The following CCDC13 variants were observed in gnomAD, a reference collection of about 807,000 sequenced individuals.
CCDC13 encodes the protein coiled-coil domain-containing protein 13.
A neutral mutation model predicts 87.3 loss-of-function variants in CCDC13; 70 were observed. The observed-to-expected ratio is 0.80, with a 90% CI of 0.66 to 0.98. The LOEUF (loss-of-function observed/expected upper bound fraction) is 0.98, where lower values mean the gene tolerates loss of function less well. Ranked by LOEUF, CCDC13 falls within the 50% of genes least tolerant of loss-of-function variation. The probability of loss-of-function intolerance (pLI) is 0.00; values close to 1 mark genes in which losing one functional copy is unlikely to be tolerated. For synonymous variants in CCDC13, 317 were observed against 360.3 expected (o/e 0.88, Z 1.36); for missense variants, 842 against 892.0 (o/e 0.94, Z 0.71).
chr3:42,744,289 T>TAGAAGC (rs1699325569), intron 7 of CCDC13, among the ~76,000 whole-genome samples: 1 of 151,974 alleles, frequency 6.6e-6, no homozygotes, highest in African/African-American at 2.4e-5. Flanking sequence ...AACGCTAGGG[T>TAGAAGC]AGAAGCAGAC....
chr3:42,748,395 C>T (rs1057233442), intron 5 of CCDC13, among the ~76,000 whole-genome samples: 2 of 152,232 alleles, frequency 1.3e-5, no homozygotes, highest in African/African-American at 2.4e-5. Context: ...GCCACAGGAA[C>T]GTTGGTTGTC....
chr3:42,755,101 G>A (rs980080289), intron 3 of CCDC13, among the ~76,000 whole-genome samples: 1 of 152,270 alleles, frequency 6.6e-6, no homozygotes, highest in Admixed American at 6.5e-5. Flanking sequence ...GGACCTGAAT[G>A]GTGGTAAAGT....
chr3:42,755,032 T>C (rs1460800339), intron 3 of CCDC13, among the ~76,000 whole-genome samples: 2 of 152,052 alleles, frequency 1.3e-5, no homozygotes, highest in East Asian at 3.9e-4. Flanking sequence ...ACTGATGGGA[T>C]TTTCAATATA....
chr3:42,772,835 T>TG (rs1045616394), intron 1 of CCDC13, among the ~76,000 whole-genome samples: 16 of 152,202 alleles, frequency 1.1e-4, no homozygotes, highest in Non-Finnish European at 2.2e-4. Flanking sequence ...GAGGGCCCAG[T>TG]GGCAGAGGCC....
At chr3:42,716,118 T>G (rs2125871175) in intron 13 of CCDC13, among the ~76,000 whole-genome samples, 1 of 152,284 alleles carries the variant, frequency 6.6e-6, no homozygotes, top group African/African-American at 2.4e-5. Flanking sequence ...TACCAACTAC[T>G]GTGTTAAGGC....
rs564681544 is a variant in CCDC13 at position 42,767,412 on chromosome 3, A to G, written c.-7+5764T>C. 6.6e-5 allele frequency among the ~76,000 whole-genome samples: 10 copies of G among 152,362 alleles called. No homozygotes were observed. In the East Asian group the frequency reaches 1.5e-3, roughly 23 times the overall value. On this transcript the variant is annotated intron_variant, in intron 1 of 15. Transcript: ENST00000310232. ...AAATATAAAACTCTGGGAAAAGACT[A>G]TAAACTATAAAACTCTGATAAAATC...
chr3:42,752,852 A>T, intron 3 of CCDC13, 135 bp from the exon 4 acceptor site: 2 of 1,045,890 alleles, frequency 1.9e-6, no homozygotes, highest in South Asian at 1.6e-5. Context: ...GCACTAACTT[A>T]GGAGGGTCAC....
At chr3:42,705,122 T>TTG (rs1349876176), downstream of CCDC13, among the ~76,000 whole-genome samples, 1 of 152,154 alleles carries the variant, frequency 6.6e-6, no homozygotes, top group African/African-American at 2.4e-5. Context: ...TATATGTGTG[T>TTG]TGTGTGTGTG....
At position 42,736,578 on chromosome 3, in the gene CCDC13, C is replaced by T. The variant is rs191004689; in HGVS notation, c.1165-665G>A. Among the ~76,000 whole-genome samples the T allele has an allele frequency of 2.6e-5, 4 of 152,198 alleles. No homozygotes were observed. In the East Asian group the frequency reaches 7.7e-4, roughly 29 times the overall value. On this transcript the variant is annotated intron_variant, in intron 9 of 15. Transcript: ENST00000310232. Reference sequence around the variant, plus strand: ...GGACCTCAGAGGACATCCAGCCCTGCGACTTATTTTTAAAACTGGCTGCTG... The same window carrying T: ...GGACCTCAGAGGACATCCAGCCCTGTGACTTATTTTTAAAACTGGCTGCTG...
At chr3:42,770,721 T>G (rs1013040249) in intron 1 of CCDC13, 1 of 152,860 alleles carries the variant, frequency 6.5e-6, no homozygotes, top group Non-Finnish European at 1.5e-5. Flanking sequence ...ACACTCACCG[T>G]GAAGGTCTGC....
intron 8 of CCDC13, among the ~76,000 whole-genome samples, chr3:42,742,598 G>A (rs968380641): frequency 6.6e-6 from 1 of 152,048 alleles, no homozygotes; most frequent in African/African-American, 2.4e-5. Context: ...TACTTCTGGG[G>A]CCATGACCCT....
chr3:42,739,266 G>A (rs1699133408), intron 9 of CCDC13, among the ~76,000 whole-genome samples: 1 of 152,168 alleles, frequency 6.6e-6, no homozygotes, highest in Non-Finnish European at 1.5e-5. Context: ...AGGGTTCTGT[G>A]CCACTGCAGA....
At position 42,709,770 on chromosome 3, in the gene CCDC13, G is replaced by T; in HGVS notation, c.1902C>A (p.Asn634Lys). The T allele has an allele frequency of 6.2e-7, 1 of 1,614,160 alleles. No homozygotes were observed. Among genetic ancestry groups the T allele is most frequent in the Non-Finnish European group, 8.5e-7 (1 of 1,180,000 alleles). ...TGLPTSNNRHNPTGSEKKDPS... is the reference protein window; with the variant it reads ...TGLPTSNNRHKPTGSEKKDPS... ...GGTCCTTCTTCTCGCTCCCGGTTGG[G>T]TTGTGCCTGTTGTTAGAGGTGGGCA... is the stretch of plus-strand genomic sequence containing the variant. Residue 634 changes from asparagine to lysine, a missense_variant, in exon 15 of 16, where the codon AAC (asparagine) becomes AAA (lysine). Asn to Lys is a moderately conservative substitution (Grantham distance 94, BLOSUM62 0). Transcript: ENST00000310232.
At chr3:42,769,362 A>G (rs1422048526) in intron 1 of CCDC13, among the ~76,000 whole-genome samples, 1 of 152,196 alleles carries the variant, frequency 6.6e-6, no homozygotes, top group East Asian at 1.9e-4. Context: ...AGCAACAAGA[A>G]TTTCTATTTA....
chr3:42,730,322 G>T, intron 13 of CCDC13, 145 bp downstream of exon 13: 1 of 1,141,704 alleles, frequency 8.8e-7, no homozygotes, highest in Non-Finnish European at 1.2e-6. Context: ...AGGTTGTGGG[G>T]CGCATGAGTT....
chr3:42,732,925 C>T lies in CCDC13; in HGVS notation c.1557G>A (p.Thr519=), dbSNP rs367680312. The T allele has an allele frequency of 8.9e-5, 139 of 1,554,422 alleles. No homozygotes were observed. The highest frequency in any genetic ancestry group is 5.0e-4 in the Middle Eastern group (3 of 6,014). The change falls in exon 12 of 16, where the codon ACG becomes ACA. Residue 519 remains threonine, a synonymous_variant. Coordinates refer to ENST00000310232, the MANE Select transcript of CCDC13 (RefSeq NM_144719.4). The part of the protein sequence containing the change: ...LGHTLVESAL[T]RPSLPSPHRT... ...TGTGGGGACTGGGCAGGGAAGGCCT[C>T]GTGAGAGCAGATTCCACCAGTGTGT...
At chr3:42,732,163 C>T (rs1460476580) in intron 12 of CCDC13, among the ~76,000 whole-genome samples, 2 of 152,236 alleles carry the variant, frequency 1.3e-5, no homozygotes, top group African/African-American at 2.4e-5. Flanking sequence ...TTTATGACCC[C>T]AGCCTGATGG....
At chr3:42,720,545 A>G (rs1312596891) in intron 13 of CCDC13, among the ~76,000 whole-genome samples, 1 of 152,230 alleles carries the variant, frequency 6.6e-6, no homozygotes, top group African/African-American at 2.4e-5. Context: ...CATGTAATTG[A>G]GACTACTGAA....
chr3:42,711,235 G>C (rs1265089527), intron 14 of CCDC13, among the ~76,000 whole-genome samples: 1 of 113,808 alleles, frequency 8.8e-6, no homozygotes, highest in Non-Finnish European at 1.6e-5. Context: ...GACAGAGTGA[G>C]ACTCTGTCTC....
Sources: gnomAD v4.1 joint callset for allele counts (sites outside exome capture counted in the v4.1 genomes callset) on GRCh38, gnomAD v4.1.1 for gene constraint, MANE v1.5 for transcripts, NCBI Gene and HGNC (gene_info 2026-07-23, HGNC 2026-07-21) for gene names.